The following ADAM19 variants were observed in gnomAD, a reference collection of about 807,000 sequenced individuals.
ADAM19 encodes ADAM metallopeptidase domain 19, also known as disintegrin and metalloproteinase domain-containing protein 19.
ADAM19 carries 65 observed loss-of-function variants against 114.7 expected under a neutral mutation model. The ratio of observed to expected loss-of-function variants is 0.57; its 90% CI spans 0.46 to 0.70. The LOEUF (loss-of-function observed/expected upper bound fraction) is 0.70, where lower values mean the gene tolerates loss of function less well. ADAM19 is among the 30% of genes least tolerant of loss of function. ADAM19 has a pLI of 0.00. For missense variants in ADAM19, 1,063 were observed against 1,204.7 expected, an observed-to-expected ratio of 0.88 and a Z score of 1.74; for synonymous variants, 466 against 460.5, an observed-to-expected ratio of 1.01 and a Z score of -0.15.
intron 3 of ADAM19, among the ~76,000 whole-genome samples, chr5:157,557,260 A>T (rs1033334964): frequency 6.6e-6 from 1 of 152,222 alleles, no homozygotes; most frequent in Admixed American, 6.5e-5. Flanking sequence ...AAGGCAAGTG[A>T]CTTACCAAAG....
chr5:157,541,497 T>C (rs1170685077), intron 3 of ADAM19, among the ~76,000 whole-genome samples: 1 of 152,200 alleles, frequency 6.6e-6, no homozygotes, highest in Non-Finnish European at 1.5e-5. Flanking sequence ...TAGCCAGCAC[T>C]AGAGTTGAGC....
At position 157,478,284 on chromosome 5, in the gene ADAM19, T is replaced by C. The variant is rs1041929677; in HGVS notation, c.*2665A>G. ...CTGAGCCAGCAAACAGCCCCTCCCC[T>C]GGAGACAAAAAAAAAAAAAAAAAAA... On this transcript the variant is annotated 3_prime_UTR_variant, in exon 23 of 23. Transcript: ENST00000257527. 2 of 64,038 alleles carry C rather than the reference T, an allele frequency of 3.1e-5. No homozygotes were observed. Among genetic ancestry groups the C allele is most frequent in the Non-Finnish European group, 5.8e-5 (2 of 34,624 alleles). 4.0% of individuals were successfully genotyped at this position (64,038 alleles called of 1,614,324 possible). A position where few individuals can be genotyped will look rare whatever the true frequency, so the allele number is the denominator to read the frequency against.
intron 2 of ADAM19, among the ~76,000 whole-genome samples, chr5:157,567,085 C>T (rs1273956646): frequency 6.6e-6 from 1 of 152,178 alleles, no homozygotes; most frequent in Non-Finnish European, 1.5e-5. Flanking sequence ...AAGTAGGTCA[C>T]CTGTTCTGCC....
chr5:157,485,414 T>G (rs919939053), intron 21 of ADAM19, among the ~76,000 whole-genome samples: 1 of 152,204 alleles, frequency 6.6e-6, no homozygotes, highest in African/African-American at 2.4e-5. Context: ...AACAGTAGAT[T>G]AACAGCTTCA....
intron 3 of ADAM19, among the ~76,000 whole-genome samples, chr5:157,551,294 C>T (rs1268226434): frequency 1.3e-5 from 2 of 151,390 alleles, no homozygotes; most frequent in African/African-American, 4.9e-5. Context: ...ATCTCAGCTA[C>T]TCGGGAGGCT....
chr5:157,565,596 C>T (rs1757636706), intron 2 of ADAM19, among the ~76,000 whole-genome samples: 1 of 151,840 alleles, frequency 6.6e-6, no homozygotes, highest in African/African-American at 2.4e-5. Context: ...GTGATCCTAG[C>T]TACTCGGGAG....
intron 21 of ADAM19, among the ~76,000 whole-genome samples, chr5:157,486,570 G>A (rs557060434): frequency 1.3e-5 from 2 of 152,186 alleles, no homozygotes; most frequent in African/African-American, 2.4e-5. Flanking sequence ...CCTGACCTAC[G>A]GCTCAGCACC....
At chr5:157,562,640 C>T (rs553916149) in intron 3 of ADAM19, among the ~76,000 whole-genome samples, 3 of 152,352 alleles carry the variant, frequency 2.0e-5, no homozygotes, top group East Asian at 3.9e-4. Flanking sequence ...TACACATGAT[C>T]CTAGTTTCAG....
chr5:157,504,303 T>G (rs1561533518), intron 11 of ADAM19, among the ~76,000 whole-genome samples: 1 of 152,106 alleles, frequency 6.6e-6, no homozygotes, highest in African/African-American at 2.4e-5. Flanking sequence ...AAGGCTGGAG[T>G]GCAGTGGCAC....
At chr5:157,527,432 G>A (rs781769399) in intron 5 of ADAM19, among the ~76,000 whole-genome samples, 4 of 151,958 alleles carry the variant, frequency 2.6e-5, no homozygotes, top group Admixed American at 2.0e-4. Context: ...GGATGGTCTC[G>A]ATCTCCTGAT....
At chr5:157,561,691 C>T (rs1757513846) in intron 3 of ADAM19, among the ~76,000 whole-genome samples, 1 of 152,120 alleles carries the variant, frequency 6.6e-6, no homozygotes, top group Non-Finnish European at 1.5e-5. Context: ...GAAAGGCCTT[C>T]CCTGACTGCC....
At chr5:157,511,035 T>C (rs1755903999) in intron 8 of ADAM19, among the ~76,000 whole-genome samples, 1 of 152,200 alleles carries the variant, frequency 6.6e-6, no homozygotes, top group Admixed American at 6.5e-5. Context: ...CTCGACCTCC[T>C]CGAGGCTAGA....
At chr5:157,520,863 C>T (rs935362013) in intron 5 of ADAM19, among the ~76,000 whole-genome samples, 1 of 152,188 alleles carries the variant, frequency 6.6e-6, no homozygotes, top group Non-Finnish European at 1.5e-5. Flanking sequence ...ACTCATGTGT[C>T]CTAGACATAA....
intron 12 of ADAM19, among the ~76,000 whole-genome samples, chr5:157,502,093 C>T (rs556747847): frequency 2.6e-5 from 4 of 152,068 alleles, no homozygotes; most frequent in South Asian, 2.1e-4. Context: ...TTATACAGAA[C>T]CTCAGTCTCA....
chr5:157,560,571 A>G (rs1483073556), intron 3 of ADAM19, among the ~76,000 whole-genome samples: 5 of 152,370 alleles, frequency 3.3e-5, no homozygotes, highest in South Asian at 2.1e-4. Flanking sequence ...TGTCTTCATG[A>G]CATCCAGTTG....
At chr5:157,492,826 G>A in intron 16 of ADAM19, 147 bp downstream of exon 16, 1 of 771,142 alleles carries the variant, frequency 1.3e-6, no homozygotes, top group Admixed American at 2.6e-5. Context: ...GGTGCCTGCT[G>A]TCACTATACA....
intron 7 of ADAM19, among the ~76,000 whole-genome samples, chr5:157,514,310 C>T (rs1464307072): frequency 6.6e-6 from 1 of 151,074 alleles, no homozygotes; most frequent in Non-Finnish European, 1.5e-5. Flanking sequence ...GAGACTGCAT[C>T]GATTCAATCA....
chr5:157,552,355 G>C (rs937049775), intron 3 of ADAM19, among the ~76,000 whole-genome samples: 9 of 151,744 alleles, frequency 5.9e-5, no homozygotes, highest in Admixed American at 1.3e-4. Flanking sequence ...AGACCCAAAA[G>C]AAAGGAAATC....
At chr5:157,536,514 C>T (rs1756770960) in intron 4 of ADAM19, among the ~76,000 whole-genome samples, 1 of 152,048 alleles carries the variant, frequency 6.6e-6, no homozygotes. Context: ...TGTAATCCCA[C>T]CTACTGGGGA....
Sources: allele counts gnomAD v4.1 joint callset (sites outside exome capture counted in the v4.1 genomes callset), GRCh38; gene constraint gnomAD v4.1.1; transcripts MANE v1.5; gene names NCBI Gene and HGNC (gene_info 2026-07-23, HGNC 2026-07-21).